KCNU1: variants seen among roughly 807,000 people sequenced by gnomAD.
KCNU1 encodes potassium calcium-activated channel subfamily U member 1.
KCNU1 carries 93 observed loss-of-function variants against 126.8 expected under a neutral mutation model. The ratio of observed to expected loss-of-function variants is 0.73; its 90% CI spans 0.62 to 0.87. KCNU1 has a LOEUF of 0.87. Among genes scored for constraint, KCNU1 ranks in the 40% least tolerant of loss-of-function variants. The pLI, the probability that KCNU1 is intolerant of heterozygous loss-of-function variation, is 0.00. For synonymous variants in KCNU1, 523 were observed against 494.2 expected (o/e 1.06, Z -0.77); for missense variants, 1,330 against 1,367.1 (o/e 0.97, Z 0.43).
intron 19 of KCNU1, among the ~76,000 whole-genome samples, chr8:36,881,970 T>A (rs929875285): frequency 3.3e-5 from 5 of 152,052 alleles, no homozygotes; most frequent in African/African-American, 9.7e-5. Flanking sequence ...CTGTTACTCA[T>A]CTCCTCATCC....
chr8:36,903,639 T>C (rs1290676459), intron 19 of KCNU1, among the ~76,000 whole-genome samples: 1 of 152,196 alleles, frequency 6.6e-6, no homozygotes, highest in Non-Finnish European at 1.5e-5. Context: ...GAATTCCTTT[T>C]ATATGCTGTT....
At chr8:36,879,155 G>T (rs1183586451) in intron 19 of KCNU1, among the ~76,000 whole-genome samples, 4 of 142,078 alleles carry the variant, frequency 2.8e-5, no homozygotes, top group African/African-American at 1.0e-4. Context: ...CACTGCAGCT[G>T]CCAATCAAGT....
intron 25 of KCNU1, among the ~76,000 whole-genome samples, chr8:36,931,526 A>AT (rs922342972): frequency 1.2e-4 from 18 of 151,932 alleles, no homozygotes; most frequent in Non-Finnish European, 2.5e-4. Flanking sequence ...CTTTTTTAGT[A>AT]TTTTTTCCAC....
intron 19 of KCNU1, among the ~76,000 whole-genome samples, chr8:36,885,470 G>A (rs1041227325): frequency 3.3e-5 from 5 of 152,032 alleles, no homozygotes; most frequent in African/African-American, 9.7e-5. Flanking sequence ...CAGGAGAATC[G>A]CTTAAAGCCA....
At chr8:36,875,977 T>C (rs1176609457) in intron 19 of KCNU1, among the ~76,000 whole-genome samples, 1 of 152,198 alleles carries the variant, frequency 6.6e-6, no homozygotes. Flanking sequence ...CTTTGAGAAA[T>C]TCTTTAATGG....
intron 19 of KCNU1, among the ~76,000 whole-genome samples, chr8:36,868,495 G>A (rs1407167056): frequency 6.6e-6 from 1 of 152,036 alleles, no homozygotes; most frequent in African/African-American, 2.4e-5. Context: ...TGCTGACAAT[G>A]AACTTGATAT....
chr8:36,936,030 A>G lies in KCNU1; in HGVS notation c.*110A>G, dbSNP rs1268602760. ...ATGGAAGCATGCCATTTTTCTGCCC[A>G]TTGCTTAGTGGTTCATGAAGGCCAC... On this transcript the variant is annotated 3_prime_UTR_variant, in exon 27 of 27. Transcript: ENST00000399881. The G allele has an allele frequency of 7.0e-6, 7 of 1,004,556 alleles. No individual in the cohort carries two copies. In the South Asian group the frequency reaches 1.1e-4, roughly 16 times the overall value. The allele number at this position is 1,004,556 out of a possible 1,614,324, so 62.2% of individuals were successfully genotyped here.
In KCNU1 at chr8:36,794,332, T is replaced by C. The variant is rs146483341; in HGVS notation, c.315+6907T>C. Among the ~76,000 whole-genome samples, 6 of 152,228 alleles carry C rather than the reference T, an allele frequency of 3.9e-5. No homozygotes were observed. The East Asian group carries it at 1.2e-3, about 29-fold the overall frequency. On this transcript the variant is annotated intron_variant, in intron 2 of 26. Transcript: ENST00000399881. ...ACCTTTTGATCTCATTTAGCTTTTT[T>C]GGAGATGTATATGTTTCATTAGTCT...
intron 19 of KCNU1, among the ~76,000 whole-genome samples, chr8:36,870,297 CATCT>C (rs1806055052): frequency 6.6e-6 from 1 of 152,170 alleles, no homozygotes; most frequent in Non-Finnish European, 1.5e-5. Context: ...TTTTCTGGCA[CATCT>C]ATTTCCAGCC....
intron 19 of KCNU1, among the ~76,000 whole-genome samples, chr8:36,874,041 C>T (rs1398887555): frequency 3.9e-5 from 6 of 152,040 alleles, no homozygotes; most frequent in South Asian, 2.1e-4. Context: ...GGGATTACAC[C>T]GTGGGGATTA....
At chr8:36,922,714 AC>A in intron 24 of KCNU1, 85 bp downstream of exon 24, 1 of 1,330,982 alleles carries the variant, frequency 7.5e-7, no homozygotes, top group Non-Finnish European at 1.0e-6. Flanking sequence ...GTAGATGATA[AC>A]ACCTCACAGT....
intron 19 of KCNU1, among the ~76,000 whole-genome samples, chr8:36,903,656 A>C (rs1807508749): frequency 6.6e-6 from 1 of 152,174 alleles, no homozygotes; most frequent in Non-Finnish European, 1.5e-5. Context: ...TGTTGTCAGA[A>C]TCTTTCACAG....
intron 10 of KCNU1, among the ~76,000 whole-genome samples, chr8:36,819,509 T>A (rs919688198): frequency 2.0e-5 from 3 of 152,188 alleles, no homozygotes; most frequent in Non-Finnish European, 4.4e-5. Flanking sequence ...ATCCTAATTC[T>A]GTTTCTACCA....
At chr8:36,845,119 A>G (rs1313870285) in intron 16 of KCNU1, among the ~76,000 whole-genome samples, 1 of 152,244 alleles carries the variant, frequency 6.6e-6, no homozygotes, top group Non-Finnish European at 1.5e-5. Flanking sequence ...GCATAGGTGA[A>G]TAGAAGAAAC....
intron 19 of KCNU1, among the ~76,000 whole-genome samples, chr8:36,905,086 A>G (rs1314151577): frequency 6.6e-6 from 1 of 152,208 alleles, no homozygotes; most frequent in Middle Eastern, 3.2e-3. Flanking sequence ...GATTGAATAC[A>G]TTATGAAACA....
In KCNU1 at chr8:36,931,049, T is replaced by C. The variant is rs763441623; in HGVS notation, c.2835T>C (p.Tyr945=). ...AACATTTAGATAAGGATAAAGTCTA[T>C]GGTGTGGCAGATAGCTGCACGTCGC... ...LEQHLDKDKV[Y]GVADSCTSLL... The change falls in exon 25 of 27, where the codon TAT becomes TAC. Residue 945 remains tyrosine (Y), a synonymous_variant. Transcript: ENST00000399881. 15 of 1,611,900 alleles carry C rather than the reference T, an allele frequency of 9.3e-6. No individual in the cohort carries two copies. The highest frequency in any genetic ancestry group is 1.6e-4 in the Middle Eastern group (1 of 6,070).
chr8:36,855,166 C>T (rs752328111), intron 18 of KCNU1, among the ~76,000 whole-genome samples: 3 of 152,116 alleles, frequency 2.0e-5, no homozygotes, highest in Non-Finnish European at 4.4e-5. Flanking sequence ...TTACACAGTT[C>T]TGGGCATCTT....
chr8:36,820,144 C>T (rs538295438), intron 10 of KCNU1, among the ~76,000 whole-genome samples: 26 of 152,274 alleles, frequency 1.7e-4, no homozygotes, highest in Admixed American at 5.2e-4. Flanking sequence ...AATGTACCTA[C>T]GTGGATGCCC....
At chr8:36,887,761 A>T (rs947741481) in intron 19 of KCNU1, among the ~76,000 whole-genome samples, 1 of 152,314 alleles carries the variant, frequency 6.6e-6, no homozygotes, top group African/African-American at 2.4e-5. Context: ...AGAAACAAAC[A>T]AAAAGCTTTG....
Sources: allele counts gnomAD v4.1 joint callset (sites outside exome capture counted in the v4.1 genomes callset), GRCh38; gene constraint gnomAD v4.1.1; transcripts MANE v1.5; gene names NCBI Gene and HGNC (gene_info 2026-07-23, HGNC 2026-07-21).